CADPS2: variants seen among roughly 807,000 people sequenced by gnomAD.
CADPS2 encodes calcium-dependent secretion activator 2.
CADPS2 carries 93 observed loss-of-function variants against 172.5 expected under a neutral mutation model. The ratio of observed to expected loss-of-function variants is 0.54; its 90% CI spans 0.46 to 0.64. The LOEUF is 0.64. CADPS2 is among the 30% of genes least tolerant of loss of function. The pLI is 0.00. For missense variants in CADPS2, 1,420 were observed against 1,565.9 expected, an observed-to-expected ratio of 0.91 and a Z score of 1.57; for synonymous variants, 546 against 555.2, an observed-to-expected ratio of 0.98 and a Z score of 0.23.
chr7:122,714,574 C>T (rs1044300403), intron 2 of CADPS2, among the ~76,000 whole-genome samples: 2 of 151,898 alleles, frequency 1.3e-5, no homozygotes, highest in Non-Finnish European at 2.9e-5. Flanking sequence ...CAAAAATTTG[C>T]TTTTTGCATG....
chr7:122,452,318 C>T (rs2053223871), intron 14 of CADPS2, among the ~76,000 whole-genome samples: 1 of 152,128 alleles, frequency 6.6e-6, no homozygotes, highest in Non-Finnish European at 1.5e-5. Context: ...ACTTCAAAAC[C>T]TGTTTATATA....
intron 24 of CADPS2, among the ~76,000 whole-genome samples, chr7:122,380,681 AGTGT>A (rs1405137580): frequency 6.6e-6 from 1 of 152,030 alleles, no homozygotes; most frequent in African/African-American, 2.4e-5. Context: ...TGTGAGTCTG[AGTGT>A]GTGTGGGTGT....
chr7:122,732,715 T>C (rs952555627), intron 2 of CADPS2, among the ~76,000 whole-genome samples: 7 of 144,296 alleles, frequency 4.9e-5, no homozygotes, highest in East Asian at 3.9e-4. Context: ...TATATATAAT[T>C]ATATATTACA....
chr7:122,776,753 G>A (rs929285356), intron 1 of CADPS2, among the ~76,000 whole-genome samples: 6 of 152,150 alleles, frequency 3.9e-5, no homozygotes, highest in African/African-American at 1.4e-4. Flanking sequence ...AGTCCAGGCT[G>A]AGGTGGTCTC....
At chr7:122,526,472 C>G (rs539369124) in intron 8 of CADPS2, among the ~76,000 whole-genome samples, 1 of 152,226 alleles carries the variant, frequency 6.6e-6, no homozygotes, top group Admixed American at 6.5e-5. Context: ...GGAATACAGG[C>G]ATGAGCCATC....
At chr7:122,395,737 C>T (rs1373029610) in intron 20 of CADPS2, among the ~76,000 whole-genome samples, 1 of 152,106 alleles carries the variant, frequency 6.6e-6, no homozygotes, top group Non-Finnish European at 1.5e-5. Flanking sequence ...GAGTACCAAG[C>T]ACTATGTGAA....
At chr7:122,600,018 A>T (rs78789241) in intron 6 of CADPS2, among the ~76,000 whole-genome samples, 2 of 152,074 alleles carry the variant, frequency 1.3e-5, no homozygotes, top group Non-Finnish European at 2.9e-5. Context: ...CTTAATTCAC[A>T]TAAGTGGTGC....
chr7:122,541,984 C>A (rs2063144545), intron 8 of CADPS2, among the ~76,000 whole-genome samples: 1 of 150,256 alleles, frequency 6.7e-6, no homozygotes, highest in South Asian at 2.1e-4. Flanking sequence ...GTAATAGTAG[C>A]ATAAAATCAA....
At chr7:122,557,949 T>C (rs556633980) in intron 7 of CADPS2, among the ~76,000 whole-genome samples, 2 of 152,128 alleles carry the variant, frequency 1.3e-5, no homozygotes, top group Non-Finnish European at 2.9e-5. Flanking sequence ...TTACCCCACT[T>C]TATTCCACTG....
chr7:122,876,426 A>G (rs1038302348), intron 1 of CADPS2, among the ~76,000 whole-genome samples: 1 of 152,156 alleles, frequency 6.6e-6, no homozygotes, highest in Non-Finnish European at 1.5e-5. Context: ...CAGTGGTGCA[A>G]TCACAGATCA....
chr7:122,593,373 C>A (rs1043733619), intron 6 of CADPS2, among the ~76,000 whole-genome samples: 1 of 151,900 alleles, frequency 6.6e-6, no homozygotes, highest in East Asian at 1.9e-4. Flanking sequence ...CGCCCACAGC[C>A]GAGTACAATG....
intron 28 of CADPS2, among the ~76,000 whole-genome samples, chr7:122,328,764 C>A (rs2034393176): frequency 6.6e-6 from 1 of 152,116 alleles, no homozygotes; most frequent in South Asian, 2.1e-4. Context: ...CTCTGTGAGA[C>A]CCCTGTATTT....
At chr7:122,572,006 T>C (rs1248233934) in intron 7 of CADPS2, among the ~76,000 whole-genome samples, 2 of 152,152 alleles carry the variant, frequency 1.3e-5, no homozygotes, top group African/African-American at 2.4e-5. Context: ...AAAATTTATA[T>C]TGGGGATTTA....
chr7:122,555,439 T>C (rs1470413248), intron 7 of CADPS2, among the ~76,000 whole-genome samples: 1 of 152,054 alleles, frequency 6.6e-6, no homozygotes, highest in East Asian at 1.9e-4. Flanking sequence ...TAGGCACAGT[T>C]TACATCTAAG....
intron 1 of CADPS2, among the ~76,000 whole-genome samples, chr7:122,790,191 G>A (rs1250973624): frequency 1.3e-5 from 2 of 151,880 alleles, no homozygotes; most frequent in African/African-American, 2.4e-5. Flanking sequence ...GAAGACAGGA[G>A]TTTGAGGCCA....
chr7:122,645,702 TTAGA>T (rs1473892595), intron 3 of CADPS2, among the ~76,000 whole-genome samples: 2 of 137,616 alleles, frequency 1.5e-5, no homozygotes, highest in African/African-American at 5.3e-5. Context: ...TTGCTCTTAG[TTAGA>T]TCCACTGGAA....
chr7:122,650,363 TTAG>T (rs1329026788), intron 3 of CADPS2, among the ~76,000 whole-genome samples: 2 of 152,166 alleles, frequency 1.3e-5, no homozygotes, highest in African/African-American at 2.4e-5. Context: ...TTCTTATTTA[TTAG>T]TAGTTGAGAA....
Position 122,886,426 on chromosome 7 carries a change from G to A in CADPS2, c.-89C>T. The A allele has an allele frequency of 1.4e-6, 2 of 1,403,418 alleles. No homozygotes were observed. The highest frequency in any genetic ancestry group is 3.1e-5 in the African/African-American group (2 of 65,260). 86.9% of individuals were successfully genotyped at this position (1,403,418 alleles called of 1,614,324 possible). A position where few individuals can be genotyped will look rare whatever the true frequency, so the allele number is the denominator to read the frequency against. The stretch of plus-strand genomic sequence containing the variant: ...CCCGCGGGTCTGAGGGAGCCGCGGG[G>A]CTGGCTGCAGCGGCCGCAGAACGAA... On this transcript the variant is annotated 5_prime_UTR_variant, in exon 1 of 30. Coordinates refer to ENST00000449022, the MANE Select transcript of CADPS2 (RefSeq NM_017954.11).
intron 1 of CADPS2, among the ~76,000 whole-genome samples, chr7:122,858,936 A>T (rs919912309): frequency 2.0e-5 from 3 of 152,240 alleles, no homozygotes; most frequent in African/African-American, 7.2e-5. Context: ...TGGGGAACAG[A>T]TGGTGCTACC....
Sources: allele counts gnomAD v4.1 joint callset (sites outside exome capture counted in the v4.1 genomes callset), GRCh38; gene constraint gnomAD v4.1.1; transcripts MANE v1.5; gene names NCBI Gene and HGNC (gene_info 2026-07-23, HGNC 2026-07-21).